The following RABGEF1 variants were observed in gnomAD, a reference collection of about 807,000 sequenced individuals.
RABGEF1 encodes the protein rab5 GDP/GTP exchange factor.
Under a neutral mutation model 57.3 loss-of-function variants are expected in RABGEF1, and 26 were observed. That is an observed-to-expected ratio of 0.45 (90% CI 0.33 to 0.63). The LOEUF is 0.63. Ranked by LOEUF, RABGEF1 falls within the 20% of genes least tolerant of loss-of-function variation. The pLI, the probability that RABGEF1 is intolerant of heterozygous loss-of-function variation, is 0.02. For synonymous variants in RABGEF1, 185 were observed against 210.7 expected (o/e 0.88, Z 1.06); for missense variants, 464 against 607.6 (o/e 0.76, Z 2.48).
chr7:66,754,095 T>C (rs1365592797), intron 1 of RABGEF1, among the ~76,000 whole-genome samples: 1 of 149,488 alleles, frequency 6.7e-6, no homozygotes, highest in Non-Finnish European at 1.5e-5. Flanking sequence ...GGCTGCTTCC[T>C]GGGTTCAAGC....
intron 7 of RABGEF1, among the ~76,000 whole-genome samples, chr7:66,802,056 C>T (rs146444854): frequency 1.6e-3 from 242 of 152,264 alleles, no homozygotes; most frequent in African/African-American, 5.5e-3. Flanking sequence ...ACCACAGGCA[C>T]GTGCCACCAC....
At chr7:66,787,700 T>C (rs1381050682) in intron 4 of RABGEF1, among the ~76,000 whole-genome samples, 1 of 152,156 alleles carries the variant, frequency 6.6e-6, no homozygotes, top group Non-Finnish European at 1.5e-5. Context: ...CTGAGAGTGA[T>C]TATGGATTCA....
rs138730967 is a variant in RABGEF1 at position 66,703,471 on chromosome 7, G to A, written c.-872-8696G>A. On this transcript the variant is annotated intron_variant and NMD_transcript_variant, in intron 1 of 9. Transcript: ENST00000607882. ...ATTTTGAATTATGATGTCAGGTAAA[G>A]ATACATGAGGTGGGGTAAAGGTCTA... is the stretch of plus-strand genomic sequence containing the variant. Among the ~76,000 whole-genome samples, 35 of 152,340 alleles carry A rather than the reference G, an allele frequency of 2.3e-4. No individual in the cohort carries two copies. In the East Asian group the frequency reaches 4.8e-3, roughly 21 times the overall value.
intron 4 of RABGEF1, among the ~76,000 whole-genome samples, chr7:66,789,510 G>A (rs539436031): frequency 3.3e-5 from 5 of 151,868 alleles, no homozygotes; most frequent in South Asian, 4.2e-4. Context: ...GTGAAACCCC[G>A]TCTCTACTAA....
At chr7:66,671,886 A>C in the RABGEF1 span, among the ~76,000 whole-genome samples, 1 of 150,250 alleles carries the variant, frequency 6.7e-6, no homozygotes, top group African/African-American at 2.5e-5. Flanking sequence ...GCATGAGCAC[A>C]ACTCACTACA....
At chr7:66,797,761 C>A (rs1786325907) in intron 6 of RABGEF1, among the ~76,000 whole-genome samples, 1 of 152,154 alleles carries the variant, frequency 6.6e-6, no homozygotes, top group African/African-American at 2.4e-5. Flanking sequence ...CCTGAAATCT[C>A]CAAGGAATAG....
chr7:66,806,013 G>A (rs1405029061), intron 8 of RABGEF1, among the ~76,000 whole-genome samples: 1 of 151,564 alleles, frequency 6.6e-6, no homozygotes, highest in Non-Finnish European at 1.5e-5. Context: ...CCTAAGAGTT[G>A]GAACTGCAGG....
intron 3 of RABGEF1, among the ~76,000 whole-genome samples, chr7:66,776,420 C>G (rs886215754): frequency 6.6e-6 from 1 of 152,146 alleles, no homozygotes; most frequent in Non-Finnish European, 1.5e-5. Context: ...AGACCTGGTG[C>G]GGTAGCTCAA....
intron 3 of RABGEF1, among the ~76,000 whole-genome samples, chr7:66,780,905 T>C (rs1020739623): frequency 1.3e-5 from 2 of 152,222 alleles, no homozygotes; most frequent in Non-Finnish European, 2.9e-5. Context: ...CTTTCATTAG[T>C]ATTTAACATA....
chr7:66,704,842 G>A (rs1054099227), intron 1 of RABGEF1, among the ~76,000 whole-genome samples: 5 of 151,824 alleles, frequency 3.3e-5, no homozygotes, highest in East Asian at 3.9e-4. Flanking sequence ...AATAACCAAC[G>A]TGTATCTTCA....
chr7:66,719,478 A>G (rs1415525920), intron 2 of RABGEF1, among the ~76,000 whole-genome samples: 2 of 152,210 alleles, frequency 1.3e-5, no homozygotes. Flanking sequence ...GATTACAGGC[A>G]TGAGCCACCA....
intron 3 of RABGEF1, among the ~76,000 whole-genome samples, chr7:66,777,212 A>G (rs1192369564): frequency 6.6e-6 from 1 of 152,212 alleles, no homozygotes; most frequent in Non-Finnish European, 1.5e-5. Flanking sequence ...ATGTAGTGAA[A>G]TGATAAGTAT....
intron 7 of RABGEF1, among the ~76,000 whole-genome samples, chr7:66,801,915 G>T (rs1418547676): frequency 6.6e-6 from 1 of 151,906 alleles, no homozygotes; most frequent in African/African-American, 2.4e-5. Flanking sequence ...TAGTTAGTTA[G>T]TTAGTTATTT....
chr7:66,699,725 C>T (rs1396201054), intron 1 of RABGEF1, among the ~76,000 whole-genome samples: 6 of 151,174 alleles, frequency 4.0e-5, no homozygotes, highest in African/African-American at 1.5e-4. Context: ...TGGTAGTGTG[C>T]ACTTGTAGTC....
At chr7:66,754,031 C>T (rs1411002946) in intron 1 of RABGEF1, among the ~76,000 whole-genome samples, 1 of 137,226 alleles carries the variant, frequency 7.3e-6, no homozygotes, top group Admixed American at 7.6e-5. Context: ...GAGACAGAGT[C>T]TTGCTCTGTT....
chr7:66,780,505 A>T (rs1338005283), intron 3 of RABGEF1, among the ~76,000 whole-genome samples: 1 of 152,194 alleles, frequency 6.6e-6, no homozygotes, highest in Non-Finnish European at 1.5e-5. Context: ...ATTTTGTCAG[A>T]TGGAGTGTTA....
intron 3 of RABGEF1, among the ~76,000 whole-genome samples, chr7:66,778,414 T>G (rs1278681982): frequency 6.6e-6 from 1 of 152,234 alleles, no homozygotes; most frequent in African/African-American, 2.4e-5. Context: ...TGTTTTAGTC[T>G]CTACAGTCAG....
chr7:66,782,484 A>G (rs916344824), intron 3 of RABGEF1, among the ~76,000 whole-genome samples: 6 of 150,082 alleles, frequency 4.0e-5, no homozygotes, highest in African/African-American at 7.3e-5. Flanking sequence ...TTTTTTTGGA[A>G]GAGACAAGGT....
chr7:66,762,898 C>T (rs867706140), intron 1 of RABGEF1, among the ~76,000 whole-genome samples: 1 of 152,316 alleles, frequency 6.6e-6, no homozygotes, highest in Middle Eastern at 3.4e-3. Context: ...ACCACCTGGA[C>T]AGCAAGGGCC....
Sources: allele counts gnomAD v4.1 joint callset (sites outside exome capture counted in the v4.1 genomes callset), GRCh38; gene constraint gnomAD v4.1.1; transcripts MANE v1.5; gene names NCBI Gene and HGNC (gene_info 2026-07-23, HGNC 2026-07-21).